RBFOX1: variants seen among roughly 807,000 people sequenced by gnomAD.
RBFOX1 encodes the protein RNA binding protein fox-1 homolog 1.
RBFOX1 carries 8 observed loss-of-function variants against 57.7 expected under a neutral mutation model. The ratio of observed to expected loss-of-function variants is 0.14; its 90% CI spans 0.08 to 0.25. The LOEUF is 0.25. Ranked by LOEUF, RBFOX1 falls within the 10% of genes least tolerant of loss-of-function variation. RBFOX1 has a pLI of 1.00. For synonymous variants in RBFOX1, 326 were observed against 222.4 expected (o/e 1.47, Z -4.15); for missense variants, 611 against 548.5 (o/e 1.11, Z -1.14).
chr16:7,069,502 C>G (rs997432548), intron 4 of RBFOX1, among the ~76,000 whole-genome samples: 12 of 152,184 alleles, frequency 7.9e-5, no homozygotes, highest in Admixed American at 2.0e-4. Flanking sequence ...CCAGCTTCAT[C>G]TATGTCCTTG....
intron 2 of RBFOX1, among the ~76,000 whole-genome samples, chr16:6,569,994 GA>G (rs2097323076): frequency 1.3e-5 from 2 of 152,270 alleles, no homozygotes; most frequent in East Asian, 3.9e-4. Context: ...AAGTCGTTAG[GA>G]AACCCTTGCA....
At chr16:7,369,703 T>C (rs2097533189) in intron 4 of RBFOX1, among the ~76,000 whole-genome samples, 2 of 152,198 alleles carry the variant, frequency 1.3e-5, no homozygotes, top group African/African-American at 2.4e-5. Context: ...TTTGCCATGG[T>C]GTCTGATTAG....
intron 2 of RBFOX1, among the ~76,000 whole-genome samples, chr16:5,500,758 A>T (rs779432728): frequency 6.6e-6 from 1 of 152,152 alleles, no homozygotes; most frequent in African/African-American, 2.4e-5. Context: ...CTAATTCCAT[A>T]AGCTTTTTGC....
chr16:6,297,338 G>C (rs1179956933), intron 1 of RBFOX1, among the ~76,000 whole-genome samples: 1 of 152,132 alleles, frequency 6.6e-6, no homozygotes. Flanking sequence ...AGATGGAGTT[G>C]CTCTGGTTCA....
intron 1 of RBFOX1, among the ~76,000 whole-genome samples, chr16:6,052,460 A>G (rs1331879281): frequency 2.0e-5 from 3 of 152,116 alleles, no homozygotes; most frequent in Admixed American, 6.5e-5. Flanking sequence ...ACGCCTTGGT[A>G]TCCTAATCTG....
At chr16:7,214,341 T>A (rs1053886184) in intron 4 of RBFOX1, among the ~76,000 whole-genome samples, 2 of 152,142 alleles carry the variant, frequency 1.3e-5, no homozygotes, top group African/African-American at 4.8e-5. Flanking sequence ...TCCCTGTAGA[T>A]CCCTACTTTA....
chr16:7,359,154 C>G (rs933992513), intron 4 of RBFOX1, among the ~76,000 whole-genome samples: 1 of 152,184 alleles, frequency 6.6e-6, no homozygotes, highest in East Asian at 1.9e-4. Context: ...GCCATCCGTG[C>G]AAATGCTGTG....
At position 6,311,856 on chromosome 16, in the gene RBFOX1, G is replaced by A. The variant is rs147284026; in HGVS notation, c.-126-5139G>A. 1.1e-4 allele frequency among the ~76,000 whole-genome samples: 16 copies of A among 152,212 alleles called. No individual in the cohort carries two copies. In the East Asian group the frequency reaches 2.3e-3, roughly 22 times the overall value. On this transcript the variant is annotated intron_variant, in intron 1 of 15. Transcript: ENST00000550418. ...ACTTCTCCCATCCCAGGTGTGATGG[G>A]CACTAACCTCTCTACCACCAGGAAT...
chr16:7,122,585 A>G (rs922543119), intron 4 of RBFOX1, among the ~76,000 whole-genome samples: 8 of 152,198 alleles, frequency 5.3e-5, no homozygotes, highest in African/African-American at 1.9e-4. Flanking sequence ...GCTGTGGAGG[A>G]TTCAGAGAAA....
intron 1 of RBFOX1, among the ~76,000 whole-genome samples, chr16:6,259,920 C>T (rs1169918554): frequency 6.8e-6 from 1 of 147,022 alleles, no homozygotes; most frequent in Non-Finnish European, 1.5e-5. Context: ...GAGATCGTGC[C>T]ACTGAACTCT....
At chr16:6,931,371 A>C (rs777227309) in intron 3 of RBFOX1, among the ~76,000 whole-genome samples, 1 of 149,202 alleles carries the variant, frequency 6.7e-6, no homozygotes, top group Non-Finnish European at 1.5e-5. Flanking sequence ...ACATACATAC[A>C]CATATATACA....
In RBFOX1 at chr16:5,710,122, A is replaced by C. The variant is rs566191238; in HGVS notation, c.318+111161A>C. Among the ~76,000 whole-genome samples the C allele has an allele frequency of 1.3e-4, 19 of 151,820 alleles. No homozygotes were observed. In the South Asian group the frequency reaches 3.8e-3, roughly 30 times the overall value. ...TCCAGGTTATCTGAAGATGCATGTG[A>C]GAGATTATAAGCTCCCACGAAATTC... is the stretch of plus-strand genomic sequence containing the variant. On this transcript the variant is annotated intron_variant, in intron 3 of 19. Transcript: ENST00000641259.
chr16:6,921,616 T>C (rs1250569024), intron 3 of RBFOX1, among the ~76,000 whole-genome samples: 1 of 142,188 alleles, frequency 7.0e-6, no homozygotes, highest in Non-Finnish European at 1.5e-5. Context: ...TGTATATACA[T>C]AAATTACTGT....
Position 6,605,472 on chromosome 16 carries a change from A to G in RBFOX1, c.-63-49131A>G, listed in dbSNP as rs75916887. 1.7e-3 allele frequency among the ~76,000 whole-genome samples: 259 copies of G among 152,230 alleles called. 5 individuals are homozygous for G. The East Asian group carries it at 0.043, about 25-fold the overall frequency. On this transcript the variant is annotated intron_variant, in intron 2 of 15. Coordinates refer to ENST00000550418, the MANE Select transcript of RBFOX1 (RefSeq NM_018723.4). ...AATATTAGCTTTCTGGCTGCTTTGA[A>G]TTTGCAGTCTTAACCCCCAAAGAGA...
intron 3 of RBFOX1, among the ~76,000 whole-genome samples, chr16:6,985,779 A>G (rs1442716269): frequency 7.3e-6 from 1 of 136,112 alleles, no homozygotes; most frequent in Admixed American, 7.8e-5. Flanking sequence ...GGTTGCAATG[A>G]GCTTAGTTGG....
intron 1 of RBFOX1, among the ~76,000 whole-genome samples, chr16:6,171,736 A>T (rs1179149732): frequency 6.6e-6 from 1 of 152,214 alleles, no homozygotes; most frequent in African/African-American, 2.4e-5. Context: ...AAAGCGGCAT[A>T]CATCTTCAGA....
At chr16:6,098,262 C>T (rs527404262) in intron 1 of RBFOX1, among the ~76,000 whole-genome samples, 1 of 152,302 alleles carries the variant, frequency 6.6e-6, no homozygotes, top group East Asian at 1.9e-4. Context: ...TGCCAAGGGG[C>T]TGTGACAGGC....
chr16:6,184,151 G>A lies in RBFOX1; in HGVS notation c.-126-132844G>A, dbSNP rs562962246. Among the ~76,000 whole-genome samples, 5 of 152,188 alleles carry A rather than the reference G, an allele frequency of 3.3e-5. No individual in the cohort carries two copies. The South Asian group carries it at 1.0e-3, about 32-fold the overall frequency. On this transcript the variant is annotated intron_variant, in intron 1 of 15. Transcript: ENST00000550418. ...TTATTCACTACCATGAAAACAGTAT[G>A]GGGGAAACTGCCCCCATGATTCAGT...
rs2081168973 is a variant in RBFOX1 at position 7,535,112 on chromosome 16, C to G, written c.270+16723C>G. On this transcript the variant is annotated intron_variant, in intron 5 of 15. Transcript: ENST00000550418. ...CTCTTTTATTAACCGCTTTTATATT[C>G]CCTTGTGCATGGCTATGATGCTATG... Among the ~76,000 whole-genome samples the G allele has an allele frequency of 2.6e-5, 4 of 152,142 alleles. No homozygotes were observed. The South Asian group carries it at 6.2e-4, about 24-fold the overall frequency.
Sources: gnomAD v4.1 joint callset for allele counts (sites outside exome capture counted in the v4.1 genomes callset) on GRCh38, gnomAD v4.1.1 for gene constraint, MANE v1.5 for transcripts, NCBI Gene and HGNC (gene_info 2026-07-23, HGNC 2026-07-21) for gene names.